ZNF701: variants seen among roughly 807,000 people sequenced by gnomAD.
The protein encoded by ZNF701 is zinc finger protein 701.
Under a neutral mutation model 7.1 loss-of-function variants are expected in ZNF701, and 6 were observed. The observed-to-expected ratio is 0.84, with a 90% CI of 0.46 to 1.66. The LOEUF (loss-of-function observed/expected upper bound fraction) is 1.66. Ranked by LOEUF, ZNF701 falls within the 40% of genes most tolerant of loss-of-function variation. ZNF701 has a pLI of 0.01. For synonymous variants in ZNF701, 166 were observed against 188.2 expected, an observed-to-expected ratio of 0.88 and a Z score of 0.97; for missense variants, 541 against 559.2, an observed-to-expected ratio of 0.97 and a Z score of 0.33.
chr19:52,595,059 G>A, the ZNF701 span, among the ~76,000 whole-genome samples: 37 of 152,164 alleles, frequency 2.4e-4, no homozygotes, highest in Admixed American at 1.1e-3. Context: ...TCCACTCACT[G>A]CAACCTCCGC....
intron 3 of ZNF701, among the ~76,000 whole-genome samples, chr19:52,581,130 A>G (rs1302513760): frequency 6.6e-6 from 1 of 152,182 alleles, no homozygotes; most frequent in East Asian, 1.9e-4. Context: ...TCAAAAAAAT[A>G]AAAATACAAA....
intron 3 of ZNF701, among the ~76,000 whole-genome samples, chr19:52,580,239 A>G (rs75935888): frequency 0.11 from 17,083 of 149,968 alleles, 2,596 homozygotes; most frequent in African/African-American, 0.35. Flanking sequence ...CACCGCGCCC[A>G]GCCTTTTTAG....
chr19:52,571,857 C>T (rs948430790), intron 1 of ZNF701, among the ~76,000 whole-genome samples: 2 of 151,850 alleles, frequency 1.3e-5, no homozygotes, highest in African/African-American at 2.4e-5. Context: ...GAGTTTCGCT[C>T]TTGTTGCCCG....
At chr19:52,595,955 G>A in the ZNF701 span, 1 of 1,611,652 alleles carries the variant, frequency 6.2e-7, no homozygotes, top group African/African-American at 1.3e-5. Context: ...AGGGAAAATT[G>A]GTAATCAAGT....
chr19:52,595,848 G>A, the ZNF701 span: 8 of 1,612,468 alleles, frequency 5.0e-6, no homozygotes, highest in Non-Finnish European at 6.8e-6. Flanking sequence ...AGTACAGACT[G>A]ACGTGATCAA....
chr19:52,571,914 C>T (rs1568499561), intron 1 of ZNF701, among the ~76,000 whole-genome samples: 1 of 152,070 alleles, frequency 6.6e-6, no homozygotes, highest in Non-Finnish European at 1.5e-5. Flanking sequence ...ACCTCCACCT[C>T]CCGAGTTCAA....
chr19:52,599,383 C>T, the ZNF701 span, among the ~76,000 whole-genome samples: 1 of 152,104 alleles, frequency 6.6e-6, no homozygotes, highest in Non-Finnish European at 1.5e-5. Flanking sequence ...TGAGATAATT[C>T]TGAGCCTTGA....
At chr19:52,593,039 T>C in the ZNF701 span, among the ~76,000 whole-genome samples, 2 of 117,426 alleles carry the variant, frequency 1.7e-5, 1 homozygote, top group South Asian at 5.7e-4. Context: ...GCACCACCCT[T>C]AATCCATTCA....
chr19:52,596,667 C>T, the ZNF701 span: 3 of 457,050 alleles, frequency 6.6e-6, no homozygotes, highest in South Asian at 3.4e-5. Context: ...CCTTGCACAA[C>T]ATCAGAGAGT....
At position 52,580,205 on chromosome 19, in the gene ZNF701, A is replaced by T. The variant is rs74969940; in HGVS notation, c.143-1997A>T. On this transcript the variant is annotated intron_variant, in intron 3 of 3. Coordinates refer to ENST00000391785, the MANE Select transcript of ZNF701 (RefSeq NM_018260.3). Reference sequence around the variant, plus strand: ...TGATCCATCCACCTCGGCCTCCCAGAGTGCTGGGATTACAGGCGTGAGCCA... The same window carrying T: ...TGATCCATCCACCTCGGCCTCCCAGTGTGCTGGGATTACAGGCGTGAGCCA... Among the ~76,000 whole-genome samples, 9 of 121,374 alleles carry T rather than the reference A, an allele frequency of 7.4e-5. 2 individuals carry two copies. The highest frequency in any genetic ancestry group is 4.1e-4 in the African/African-American group (7 of 17,158). 79.6% of individuals were successfully genotyped at this position (121,374 alleles called of 152,430 possible).
chr19:52,583,608 G>A lies in ZNF701; in HGVS notation c.*151G>A. On this transcript the variant is annotated 3_prime_UTR_variant, in exon 4 of 4. Transcript: ENST00000391785. ...TGAAATACATAGGAGAGTTCATACT[G>A]GAGAGAAACCATACAAATGTAAGGT... 1 of 1,348,866 alleles carries A rather than the reference G, an allele frequency of 7.4e-7. No individual in the cohort carries two copies. The highest frequency in any genetic ancestry group is 1.7e-5 in the Admixed American group (1 of 59,130). The allele number at this position is 1,348,866 out of a possible 1,614,324, so 83.6% of individuals were successfully genotyped here.
At chr19:52,588,885 A>C (rs1476395230), downstream of ZNF701, among the ~76,000 whole-genome samples, 1 of 152,178 alleles carries the variant, frequency 6.6e-6, no homozygotes. Flanking sequence ...CTGGGATTAC[A>C]GGTGTCCACC....
downstream of ZNF701, among the ~76,000 whole-genome samples, chr19:52,591,190 A>G (rs11882538): frequency 0.31 from 47,042 of 151,586 alleles, 7,331 homozygotes; most frequent in Admixed American, 0.36. Flanking sequence ...ATATACATAT[A>G]TTTTATTTTG....
intron 1 of ZNF701, among the ~76,000 whole-genome samples, chr19:52,571,374 G>C (rs188680011): frequency 2.9e-4 from 44 of 152,062 alleles, no homozygotes; most frequent in African/African-American, 1.0e-3. Flanking sequence ...GGGACGGGGG[G>C]TAAAACAGAG....
chr19:52,588,392 A>G (rs2060023581), downstream of ZNF701: 1 of 156,820 alleles, frequency 6.4e-6, no homozygotes. Flanking sequence ...AGGCTGAGGC[A>G]GGAGAATCAC....
At chr19:52,575,501 T>A (rs2059928669) in intron 2 of ZNF701, among the ~76,000 whole-genome samples, 1 of 152,096 alleles carries the variant, frequency 6.6e-6, no homozygotes, top group South Asian at 2.1e-4. Flanking sequence ...TTTATTTTCA[T>A]GTATTTTATT....
rs78296394 is a variant in ZNF701, at chr19:52,579,874, AAAATAAATAAATAAAT to A, written c.143-2312_143-2297del. Among the ~76,000 whole-genome samples, 19 of 135,092 alleles carry A rather than the reference AAAATAAATAAATAAAT, an allele frequency of 1.4e-4. 1 individual carries two copies. Among genetic ancestry groups the A allele is most frequent in the Non-Finnish European group, 2.4e-4 (16 of 66,108 alleles). 88.6% of individuals were successfully genotyped at this position (135,092 alleles called of 152,430 possible). A position where few individuals can be genotyped will look rare whatever the true frequency, so the allele number is the denominator to read the frequency against. ...GGGAGACAGAGTGAGACTCCATCTCAAAATAAATAAATAAATAAATAAATAAATAAAGTTTCATAAC... is the reference window on the plus strand; with the variant it reads ...GGGAGACAGAGTGAGACTCCATCTCAAAATAAATAAATAAAGTTTCATAAC... On this transcript the variant is annotated intron_variant, in intron 3 of 3. Coordinates refer to ENST00000391785, the MANE Select transcript of ZNF701 (RefSeq NM_018260.3).
chr19:52,595,728 T>G, the ZNF701 span: 1 of 1,561,192 alleles, frequency 6.4e-7, no homozygotes, highest in Non-Finnish European at 8.8e-7. Flanking sequence ...ACTGGAGATT[T>G]TTGCTTCCCA....
rs2059991111 is a variant in ZNF701 at position 52,583,593 on chromosome 19, A to G, written c.*136A>G. ...TTTCAAATCACTCCTTGAAATACAT[A>G]GGAGAGTTCATACTGGAGAGAAACC... On this transcript the variant is annotated 3_prime_UTR_variant, in exon 4 of 4. Coordinates refer to ENST00000391785, the MANE Select transcript of ZNF701 (RefSeq NM_018260.3). The G allele has an allele frequency of 1.4e-6, 2 of 1,407,274 alleles. No individual in the cohort carries two copies. Among genetic ancestry groups the G allele is most frequent in the Non-Finnish European group, 2.0e-6 (2 of 993,464 alleles). 87.2% of individuals were successfully genotyped at this position (1,407,274 alleles called of 1,614,324 possible).
Sources: gnomAD v4.1 joint callset for allele counts (sites outside exome capture counted in the v4.1 genomes callset) on GRCh38, gnomAD v4.1.1 for gene constraint, MANE v1.5 for transcripts, NCBI Gene and HGNC (gene_info 2026-07-23, HGNC 2026-07-21) for gene names.